Variants in CACNA1I observed in about 807,000 individuals in gnomAD.
The protein encoded by CACNA1I is voltage-dependent T-type calcium channel subunit alpha-1I.
A neutral mutation model predicts 201.6 loss-of-function variants in CACNA1I; 74 were observed. The ratio of observed to expected loss-of-function variants is 0.37; its 90% CI spans 0.30 to 0.45. The LOEUF (loss-of-function observed/expected upper bound fraction) is 0.45. Ranked by LOEUF, CACNA1I falls within the 20% of genes least tolerant of loss-of-function variation. The pLI is 1.00. For missense variants in CACNA1I, 2,346 were observed against 3,138.1 expected, an observed-to-expected ratio of 0.75 and a Z score of 6.03; for synonymous variants, 1,431 against 1,345.2, an observed-to-expected ratio of 1.06 and a Z score of -1.40.
intron 31 of CACNA1I, among the ~76,000 whole-genome samples, chr22:39,678,617 C>A (rs1024665349): frequency 7.9e-5 from 12 of 152,160 alleles, no homozygotes; most frequent in Non-Finnish European, 1.6e-4. Flanking sequence ...CCCCCAGTGC[C>A]CCCAGCAAGG....
intron 9 of CACNA1I, 21 bp downstream of exon 9, chr22:39,647,947 GT>G: frequency 6.2e-7 from 1 of 1,604,834 alleles, no homozygotes; most frequent in Non-Finnish European, 8.5e-7. Context: ...GCCACGGGAG[GT>G]GGGCCCTGCC....
chr22:39,646,433 C>G, intron 7 of CACNA1I, 136 bp from the exon 8 acceptor site: 1 of 1,356,616 alleles, frequency 7.4e-7, no homozygotes, highest in Middle Eastern at 2.4e-4. Context: ...CCATCTCCAT[C>G]TCCATCTCCC....
intron 2 of CACNA1I, 35 bp downstream of exon 2, chr22:39,598,297 CTCATCCTCCAGGACCCGGCCTA>C: frequency 7.8e-7 from 1 of 1,288,088 alleles, no homozygotes; most frequent in African/African-American, 1.5e-5. Flanking sequence ...CCGCCCTGCC[CTCATCCTCCAGGACCCGGCCTA>C]TGCCCCGCCC....
intron 4 of CACNA1I, among the ~76,000 whole-genome samples, chr22:39,620,012 TATCCATCCATCCATCCATCCATCC>T (rs564900279): frequency 1.1e-5 from 1 of 92,812 alleles, no homozygotes; most frequent in Admixed American, 1.3e-4. Context: ...TCCACCTGTC[TATCCATCCATCCATCCATCCATCC>T]ATCCATCCAT....
chr22:39,651,379 C>T (rs925011485), intron 10 of CACNA1I, among the ~76,000 whole-genome samples: 3 of 152,220 alleles, frequency 2.0e-5, no homozygotes, highest in Non-Finnish European at 4.4e-5. Flanking sequence ...TTAAATGGGG[C>T]TCCCGGGGCT....
chr22:39,637,290 G>A (rs932220188), intron 5 of CACNA1I, among the ~76,000 whole-genome samples: 2 of 152,204 alleles, frequency 1.3e-5, no homozygotes, highest in Non-Finnish European at 2.9e-5. Context: ...GGGGCTTCTC[G>A]CTTCACAGAG....
At position 39,685,434 on chromosome 22, in the gene CACNA1I, T is replaced by A. The variant is rs1469374540; in HGVS notation, c.6028-327T>A. ...TGGGGCCGCGTCAGACCATGGGGGGTGCGGTGGGGGTGCCACGTGCCCTGG... is the reference window on the plus strand; with the variant it reads ...TGGGGCCGCGTCAGACCATGGGGGGAGCGGTGGGGGTGCCACGTGCCCTGG... On this transcript the variant is annotated intron_variant, in intron 36 of 36. Coordinates refer to ENST00000402142, the MANE Select transcript of CACNA1I (RefSeq NM_021096.4). This position sits in a 1 kb window ranked among gnomAD's most constrained non-coding sequence, Gnocchi z 5.0. Among the ~76,000 whole-genome samples, 1 of 14,178 alleles carries A rather than the reference T, an allele frequency of 7.1e-5. No homozygotes were observed. Among genetic ancestry groups the A allele is most frequent in the Non-Finnish European group, 1.3e-4 (1 of 7,424 alleles). The allele number at this position is 14,178 out of a possible 152,430, so 9.3% of individuals were successfully genotyped here.
chr22:39,660,448 C>T lies in CACNA1I; in HGVS notation c.2698+11C>T. ...TGGACAGCAGCGGAGGTAAACAGGCCCTCGCTTGTCACCTAGAGAGCCCAG... is the reference window on the plus strand; with the variant it reads ...TGGACAGCAGCGGAGGTAAACAGGCTCTCGCTTGTCACCTAGAGAGCCCAG... On this transcript the variant is annotated intron_variant, in intron 15 of 36. Transcript: ENST00000402142. The T allele has an allele frequency of 6.3e-7, 1 of 1,598,326 alleles. No homozygotes were observed. The highest frequency in any genetic ancestry group is 8.6e-7 in the Non-Finnish European group (1 of 1,169,462).
At position 39,634,644 on chromosome 22, in the gene CACNA1I, C is replaced by G; in HGVS notation, c.660C>G (p.Phe220Leu). The change falls in exon 5 of 37, where the codon TTC (phenylalanine) becomes TTG (leucine). Residue 220 changes from phenylalanine (F) to leucine (L), a missense_variant. Phe to Leu is a conservative substitution (Grantham distance 22). Coordinates refer to ENST00000402142, the MANE Select transcript of CACNA1I (RefSeq NM_021096.4). ...GNVLLLCFFV[F>L]FIFGIIGVQL... ...TCCTGCTGCTCTGCTTCTTTGTCTT[C>G]TTCATCTTTGGCATCATAGGTGTGC... 2 of 1,613,988 alleles carry G rather than the reference C, an allele frequency of 1.2e-6. No individual in the cohort carries two copies. Among genetic ancestry groups the G allele is most frequent in the Non-Finnish European group, 8.5e-7 (1 of 1,179,880 alleles).
intron 4 of CACNA1I, among the ~76,000 whole-genome samples, chr22:39,621,172 C>G (rs182381354): frequency 2.0e-5 from 3 of 152,244 alleles, no homozygotes; most frequent in Non-Finnish European, 4.4e-5. Context: ...CAAAGTCACA[C>G]AGCAATTCAG....
Position 39,664,657 on chromosome 22 carries a change from C to T in CACNA1I, c.3667-82C>T, listed in dbSNP as rs543646405. 3.5e-4 allele frequency: 205 copies of T among 592,008 alleles called. 1 individual carries two copies. Among genetic ancestry groups the T allele is most frequent in the African/African-American group, 3.1e-3 (165 of 52,938 alleles). 36.7% of individuals were successfully genotyped at this position (592,008 alleles called of 1,614,324 possible). On this transcript the variant is annotated intron_variant, in intron 20 of 36. Coordinates refer to ENST00000402142, the MANE Select transcript of CACNA1I (RefSeq NM_021096.4). ...GAAGCCGATCAGGCCTCGCCCCGCC[C>T]CCTTGCATAGAGCCCGGTTGGCCCC... is the stretch of plus-strand genomic sequence containing the variant.
intron 4 of CACNA1I, among the ~76,000 whole-genome samples, chr22:39,621,732 G>A (rs1032255365): frequency 8.5e-5 from 13 of 152,178 alleles, no homozygotes; most frequent in African/African-American, 2.7e-4. Context: ...TTTGGGAGGC[G>A]AGGTAGGGCA....
intron 1 of CACNA1I, 61 bp downstream of exon 1, chr22:39,571,049 T>C (rs963710310): frequency 2.9e-6 from 4 of 1,388,156 alleles, no homozygotes; most frequent in Non-Finnish European, 4.1e-6. Context: ...GGGGGCTGGA[T>C]TGAGTCCTGC....
At chr22:39,675,742 T>C (rs9607666) in intron 29 of CACNA1I, among the ~76,000 whole-genome samples, 16,455 of 152,100 alleles carry the variant, frequency 0.11, 1,243 homozygotes, top group Non-Finnish European at 0.16. Context: ...AGGTGACCCA[T>C]GGACTGGGCT....
intron 1 of CACNA1I, among the ~76,000 whole-genome samples, chr22:39,593,175 A>C (rs904473179): frequency 2.0e-5 from 3 of 152,220 alleles, no homozygotes; most frequent in African/African-American, 7.2e-5. Context: ...CCACAGAGGC[A>C]GTGCTGTGCA....
At position 39,685,838 on chromosome 22, in the gene CACNA1I, C is replaced by T; in HGVS notation, c.6105C>T (p.Ser2035=). Residue 2035 remains serine, a synonymous_variant, in exon 37 of 37, where the codon AGC becomes AGT. Coordinates refer to ENST00000402142, the MANE Select transcript of CACNA1I (RefSeq NM_021096.4). This position sits in a 1 kb window ranked among gnomAD's most constrained non-coding sequence, Gnocchi z 5.0. The part of the protein sequence containing the change: ...AGSLQTTLED[S]LTLSDSPRRA... Reference sequence around the variant, plus strand: ...GCCTGCAGACCACGCTCGAGGACAGCCTGACCCTGAGCGACAGCCCCCGGC... The same window carrying T: ...GCCTGCAGACCACGCTCGAGGACAGTCTGACCCTGAGCGACAGCCCCCGGC... 6.7e-7 allele frequency: 1 copy of T among 1,488,018 alleles called. No homozygotes were observed. The highest frequency in any genetic ancestry group is 8.9e-7 in the Non-Finnish European group (1 of 1,127,322). The allele number at this position is 1,488,018 out of a possible 1,614,324, so 92.2% of individuals were successfully genotyped here. A position where few individuals can be genotyped will look rare whatever the true frequency, so the allele number is the denominator to read the frequency against.
chr22:39,651,758 A>C (rs372459417), intron 10 of CACNA1I, among the ~76,000 whole-genome samples: 2 of 152,242 alleles, frequency 1.3e-5, no homozygotes, highest in African/African-American at 4.8e-5. Flanking sequence ...TTTGCAAGCC[A>C]GTGATGAAAG....
chr22:39,572,894 C>T (rs1293999718), intron 1 of CACNA1I, among the ~76,000 whole-genome samples: 4 of 151,972 alleles, frequency 2.6e-5, no homozygotes, highest in Non-Finnish European at 5.9e-5. Flanking sequence ...GTAGCTGGGA[C>T]TACAGGCACC....
intron 4 of CACNA1I, among the ~76,000 whole-genome samples, chr22:39,621,701 T>C (rs964037729): frequency 2.0e-5 from 3 of 151,736 alleles, no homozygotes; most frequent in African/African-American, 7.3e-5. Flanking sequence ...TCAGTGCTAC[T>C]GTGAGGGTCT....
Sources: allele counts gnomAD v4.1 joint callset (sites outside exome capture counted in the v4.1 genomes callset), GRCh38; gene constraint gnomAD v4.1.1; non-coding constraint Gnocchi (gnomAD v3.1); transcripts MANE v1.5; gene names NCBI Gene and HGNC (gene_info 2026-07-23, HGNC 2026-07-21).